The following TAF4B variants were observed in gnomAD, a reference collection of about 807,000 sequenced individuals.
TAF4B encodes TATA-box binding protein associated factor 4b, also known as transcription initiation factor TFIID subunit 4B.
A neutral mutation model predicts 86.4 loss-of-function variants in TAF4B; 38 were observed. The ratio of observed to expected loss-of-function variants is 0.44; its 90% CI spans 0.34 to 0.58. TAF4B has a LOEUF of 0.58. Ranked by LOEUF, TAF4B falls within the 20% of genes least tolerant of loss-of-function variation. The probability of loss-of-function intolerance (pLI) is 0.02; values close to 1 mark genes in which losing one functional copy is unlikely to be tolerated. For synonymous variants in TAF4B, 388 were observed against 391.2 expected (o/e 0.99, Z 0.10); for missense variants, 988 against 1,027.6 (o/e 0.96, Z 0.53).
intron 14 of TAF4B, among the ~76,000 whole-genome samples, chr18:26,365,222 G>C (rs1278093259): frequency 2.6e-5 from 4 of 152,014 alleles, no homozygotes; most frequent in African/African-American, 7.2e-5. Flanking sequence ...GGCCAGGCTG[G>C]TCTTGAACTC....
chr18:26,322,132 A>G lies in TAF4B; in HGVS notation c.2133+932A>G, dbSNP rs185061372. ...TGTTTATAGCTAGATTTTGAACAAGATGGTATGTAGGTAACCTTAAGAGAT... is the reference window on the plus strand; with the variant it reads ...TGTTTATAGCTAGATTTTGAACAAGGTGGTATGTAGGTAACCTTAAGAGAT... On this transcript the variant is annotated intron_variant, in intron 11 of 14. Transcript: ENST00000269142. Among the ~76,000 whole-genome samples the G allele has an allele frequency of 7.2e-5, 11 of 152,254 alleles. No individual in the cohort carries two copies. The East Asian group carries it at 2.1e-3, about 29-fold the overall frequency.
chr18:26,276,755 A>G (rs1310310117), intron 5 of TAF4B, among the ~76,000 whole-genome samples: 2 of 152,176 alleles, frequency 1.3e-5, no homozygotes, highest in Non-Finnish European at 2.9e-5. Context: ...AAGGTATGCT[A>G]GTTTTGAAAG....
chr18:26,389,774 G>A, intron 14 of TAF4B, 71 bp from the exon 15 acceptor site: 1 of 1,524,714 alleles, frequency 6.6e-7, no homozygotes, highest in Non-Finnish European at 8.9e-7. Flanking sequence ...GCTCTGACAT[G>A]CTAGAATTGA....
chr18:26,240,522 A>G lies in TAF4B; in HGVS notation c.343+13246A>G, dbSNP rs1210539068. 6.6e-5 allele frequency among the ~76,000 whole-genome samples: 10 copies of G among 152,316 alleles called. 1 individual carries two copies. Among genetic ancestry groups the G allele is most frequent in the South Asian group, 4.1e-4 (2 of 4,830 alleles). ...GGTTTTCTAAATATACAATCATGTC[A>G]TCTGCAAACAGGGACAATTTGACTT... is the stretch of plus-strand genomic sequence containing the variant. On this transcript the variant is annotated intron_variant, in intron 1 of 14. Coordinates refer to ENST00000269142, the MANE Select transcript of TAF4B (RefSeq NM_005640.3).
intron 9 of TAF4B, among the ~76,000 whole-genome samples, chr18:26,305,218 C>A (rs1598781569): frequency 6.6e-6 from 1 of 151,968 alleles, no homozygotes; most frequent in South Asian, 2.1e-4. Context: ...TTTATATCTT[C>A]AATAATTCTT....
At chr18:26,329,210 A>G (rs1357611054) in intron 12 of TAF4B, among the ~76,000 whole-genome samples, 1 of 151,990 alleles carries the variant, frequency 6.6e-6, no homozygotes, top group Non-Finnish European at 1.5e-5. Context: ...CGCACACACC[A>G]CTACGCCTGG....
chr18:26,234,185 A>G (rs1201383641), intron 1 of TAF4B, among the ~76,000 whole-genome samples: 1 of 152,172 alleles, frequency 6.6e-6, no homozygotes, highest in East Asian at 1.9e-4. Context: ...GTTCCATACC[A>G]AGGGTTCCTC....
intron 13 of TAF4B, among the ~76,000 whole-genome samples, chr18:26,355,655 A>C (rs966959813): frequency 6.6e-6 from 1 of 152,210 alleles, no homozygotes; most frequent in African/African-American, 2.4e-5. Context: ...GTTACACTAC[A>C]CATAGGGAAT....
At chr18:26,363,094 G>A (rs1439886651) in intron 14 of TAF4B, among the ~76,000 whole-genome samples, 1 of 151,892 alleles carries the variant, frequency 6.6e-6, no homozygotes, top group Non-Finnish European at 1.5e-5. Context: ...CTATATCTTG[G>A]TGCCAGTCCC....
intron 13 of TAF4B, 134 bp downstream of exon 13, chr18:26,335,365 T>TA: frequency 1.4e-6 from 1 of 725,614 alleles, no homozygotes; most frequent in East Asian, 2.5e-5. Flanking sequence ...CAGGAACTGC[T>TA]AAAGGCAAGG....
intron 1 of TAF4B, among the ~76,000 whole-genome samples, chr18:26,235,581 GA>G (rs1213674939): frequency 6.6e-6 from 1 of 152,148 alleles, no homozygotes; most frequent in Non-Finnish European, 1.5e-5. Flanking sequence ...CTGGACTTGA[GA>G]AGTGGCCTAG....
At chr18:26,301,833 G>A (rs1050091700) in intron 9 of TAF4B, among the ~76,000 whole-genome samples, 1 of 152,128 alleles carries the variant, frequency 6.6e-6, no homozygotes, top group African/African-American at 2.4e-5. Flanking sequence ...CTCCTCATGA[G>A]ATTGCCTAAT....
At chr18:26,311,120 TA>T (rs771540537) in intron 9 of TAF4B, among the ~76,000 whole-genome samples, 22 of 152,262 alleles carry the variant, frequency 1.4e-4, no homozygotes, top group Middle Eastern at 3.4e-3. Flanking sequence ...TGAAGATGAT[TA>T]ATATGATCAA....
At chr18:26,334,769 C>T (rs1419465447) in intron 12 of TAF4B, among the ~76,000 whole-genome samples, 1 of 152,106 alleles carries the variant, frequency 6.6e-6, no homozygotes, top group East Asian at 1.9e-4. Flanking sequence ...CTCGAAATAC[C>T]TATGTTTTCC....
At chr18:26,322,831 T>C (rs2056973980) in intron 11 of TAF4B, among the ~76,000 whole-genome samples, 1 of 152,024 alleles carries the variant, frequency 6.6e-6, no homozygotes, top group African/African-American at 2.4e-5. Context: ...TAAAGTTAGG[T>C]TTTTTATTTG....
intron 1 of TAF4B, among the ~76,000 whole-genome samples, chr18:26,260,516 C>T (rs1045760892): frequency 6.6e-6 from 1 of 152,192 alleles, no homozygotes; most frequent in African/African-American, 2.4e-5. Context: ...CCAGTTTTCC[C>T]AGCACCATTT....
intron 13 of TAF4B, among the ~76,000 whole-genome samples, chr18:26,343,043 G>A (rs2057148437): frequency 6.6e-6 from 1 of 152,184 alleles, no homozygotes; most frequent in African/African-American, 2.4e-5. Context: ...ACAGATGCAT[G>A]GAGCAGCTAT....
intron 1 of TAF4B, among the ~76,000 whole-genome samples, chr18:26,233,103 C>T (rs903161488): frequency 1.3e-5 from 2 of 152,012 alleles, no homozygotes; most frequent in South Asian, 2.1e-4. Flanking sequence ...AATATGGCTT[C>T]GCTGGGTAGA....
intron 1 of TAF4B, among the ~76,000 whole-genome samples, chr18:26,259,751 C>T (rs1385136398): frequency 1.3e-5 from 2 of 152,136 alleles, no homozygotes; most frequent in African/African-American, 2.4e-5. Flanking sequence ...CACACATGTG[C>T]GTGTGTCTTT....
Sources: allele counts gnomAD v4.1 joint callset (sites outside exome capture counted in the v4.1 genomes callset), GRCh38; gene constraint gnomAD v4.1.1; transcripts MANE v1.5; gene names NCBI Gene and HGNC (gene_info 2026-07-23, HGNC 2026-07-21).